ARCN1: variants seen among roughly 807,000 people sequenced by gnomAD.
The protein encoded by ARCN1 is archain 1 coat protein complex I subunit delta, also known as coatomer subunit delta.
Under a neutral mutation model 60.4 loss-of-function variants are expected in ARCN1, and 5 were observed. That is an observed-to-expected ratio of 0.08 (90% CI 0.04 to 0.17). The LOEUF (loss-of-function observed/expected upper bound fraction) is 0.17, where lower values mean the gene tolerates loss of function less well. ARCN1 is among the 10% of genes least tolerant of loss of function. The pLI, the probability that ARCN1 is intolerant of heterozygous loss-of-function variation, is 1.00. For synonymous variants in ARCN1, 224 were observed against 220.0 expected (o/e 1.02, Z -0.16); for missense variants, 464 against 626.5 (o/e 0.74, Z 2.77).
intron 1 of ARCN1, among the ~76,000 whole-genome samples, chr11:118,580,312 A>G (rs115404049): frequency 0.013 from 2,015 of 152,266 alleles, 43 homozygotes; most frequent in African/African-American, 0.043. Context: ...TGACAAAGTG[A>G]GACCCTGTCT....
chr11:118,584,588 G>T lies in ARCN1; in HGVS notation c.762G>T (p.Met254Ile), dbSNP rs1555075181. ...GTGAAACCATCATGTCCTCTAGTAT[G>T]GGCAAGCGTACTTCTGAAGCAACCA... ...SEGETIMSSS[M>I]GKRTSEATKM... The change falls in exon 5 of 10, where the codon ATG (methionine) becomes ATT (isoleucine). Residue 254 changes from methionine (M) to isoleucine (I), a missense_variant. Met to Ile is a conservative substitution (Grantham distance 10). Transcript: ENST00000264028. 2 of 1,613,360 alleles carry T rather than the reference G, an allele frequency of 1.2e-6. No homozygotes were observed. The highest frequency in any genetic ancestry group is 1.7e-6 in the Non-Finnish European group (2 of 1,179,804).
chr11:118,584,221 TATGTC>T (rs1319362500), intron 4 of ARCN1, among the ~76,000 whole-genome samples: 1 of 152,210 alleles, frequency 6.6e-6, no homozygotes, highest in East Asian at 1.9e-4. Flanking sequence ...AGTTATAAAT[TATGTC>T]ATGACCTCAG....
At chr11:118,591,737 TG>T (rs374936573) in intron 6 of ARCN1, among the ~76,000 whole-genome samples, 2 of 141,996 alleles carry the variant, frequency 1.4e-5, no homozygotes, top group Non-Finnish European at 3.0e-5. Flanking sequence ...TTCTTTTTTT[TG>T]TTTTTTTTTT....
intron 1 of ARCN1, among the ~76,000 whole-genome samples, chr11:118,575,396 C>T (rs1938469113): frequency 6.7e-6 from 1 of 148,900 alleles, no homozygotes; most frequent in South Asian, 2.2e-4. Context: ...AAGTTCACTG[C>T]AGAAACTGAT....
chr11:118,581,425 G>T lies in ARCN1; in HGVS notation c.183G>T (p.Met61Ile). The T allele has an allele frequency of 6.2e-7, 1 of 1,614,204 alleles. No individual in the cohort carries two copies. Reference protein sequence around the residue: ...TESVRYVYQPMEKLYMVLITT... With the variant: ...TESVRYVYQPIEKLYMVLITT... The stretch of plus-strand genomic sequence containing the variant: ...GTGTAAGATATGTCTACCAGCCTAT[G>T]GAGAAACTGTATATGGTACTGATCA... The change falls in exon 2 of 10, where the codon ATG becomes ATT. Residue 61 changes from methionine (M) to isoleucine (I), a missense_variant. Coordinates refer to ENST00000264028, the MANE Select transcript of ARCN1 (RefSeq NM_001655.5).
intron 5 of ARCN1, among the ~76,000 whole-genome samples, chr11:118,590,006 T>A (rs1343275470): frequency 6.6e-6 from 1 of 152,052 alleles, no homozygotes; most frequent in African/African-American, 2.4e-5. Context: ...TTTTCTTTTT[T>A]ATTTTTTGAG....
chr11:118,592,014 G>A (rs1394567031), intron 6 of ARCN1, among the ~76,000 whole-genome samples: 4 of 150,708 alleles, frequency 2.7e-5, no homozygotes, highest in East Asian at 2.0e-4. Flanking sequence ...TCTGCCTCCC[G>A]GGTTCAAGCC....
chr11:118,578,874 C>CTTT lies in ARCN1; in HGVS notation c.4-2342_4-2340dup, dbSNP rs56050047. Among the ~76,000 whole-genome samples, 301 of 83,442 alleles carry CTTT rather than the reference C, an allele frequency of 3.6e-3. 5 individuals carry two copies. Among genetic ancestry groups the CTTT allele is most frequent in the African/African-American group, 0.014 (290 of 20,994 alleles). The allele number at this position is 83,442 out of a possible 152,430, so 54.7% of individuals were successfully genotyped here. ...GGCAACATGGCAAAACCCCGTCTCT[C>CTTT]TTTTTTTTTTTTTTTTTTTTTTTTT... is the stretch of plus-strand genomic sequence containing the variant. On this transcript the variant is annotated intron_variant, in intron 1 of 9. Coordinates refer to ENST00000264028, the MANE Select transcript of ARCN1 (RefSeq NM_001655.5).
intron 8 of ARCN1, 86 bp from the exon 9 acceptor site, chr11:118,597,621 G>A: frequency 1.4e-6 from 2 of 1,478,960 alleles, no homozygotes; most frequent in Non-Finnish European, 1.8e-6. Flanking sequence ...AAAATTTGGG[G>A]ATCATATATC....
intron 4 of ARCN1, 97 bp from the exon 5 acceptor site, chr11:118,584,383 T>C (rs1259305420): frequency 5.3e-6 from 6 of 1,125,158 alleles, no homozygotes; most frequent in Non-Finnish European, 7.4e-6. Flanking sequence ...TGTGCACAGG[T>C]GTATTTCTCT....
At chr11:118,582,773 G>A (rs1036905082) in intron 2 of ARCN1, among the ~76,000 whole-genome samples, 6 of 151,210 alleles carry the variant, frequency 4.0e-5, no homozygotes, top group African/African-American at 1.5e-4. Flanking sequence ...GGGCGCAGTG[G>A]CTCACGCCTG....
At chr11:118,576,639 A>G (rs569477843) in intron 1 of ARCN1, among the ~76,000 whole-genome samples, 1 of 152,140 alleles carries the variant, frequency 6.6e-6, no homozygotes, top group Non-Finnish European at 1.5e-5. Context: ...TTAGGATAGG[A>G]TAAATTTATC....
chr11:118,600,783 A>G lies in ARCN1; in HGVS notation c.*69A>G, dbSNP rs879966165. On this transcript the variant is annotated 3_prime_UTR_variant, in exon 10 of 10. Coordinates refer to ENST00000264028, the MANE Select transcript of ARCN1 (RefSeq NM_001655.5). The stretch of plus-strand genomic sequence containing the variant: ...AAGAAGACGCCAATGATGGCTGAAG[A>G]GTTTTTCCCAGATTTACAAGCCACT... The G allele has an allele frequency of 4.9e-4, 561 of 1,133,724 alleles. 1 individual carries two copies. The highest frequency in any genetic ancestry group is 1.6e-3 in the Middle Eastern group (7 of 4,370). The allele number at this position is 1,133,724 out of a possible 1,614,324, so 70.2% of individuals were successfully genotyped here.
intron 2 of ARCN1, among the ~76,000 whole-genome samples, chr11:118,582,725 TAAAAAAAAAA>T (rs1206435516): frequency 2.0e-5 from 2 of 100,874 alleles, no homozygotes; most frequent in South Asian, 6.4e-4. Context: ...GACTTTGTCT[TAAAAAAAAAA>T]AAAAAAAAAA....
Position 118,600,817 on chromosome 11 carries a change from C to T in ARCN1, c.*103C>T, listed in dbSNP as rs1939131130. On this transcript the variant is annotated 3_prime_UTR_variant, in exon 10 of 10. Coordinates refer to ENST00000264028, the MANE Select transcript of ARCN1 (RefSeq NM_001655.5). ...CAGATTTACAAGCCACTGGAGACCC[C>T]TTTTTTCTGATACAATGCACGATTC... 4 of 772,928 alleles carry T rather than the reference C, an allele frequency of 5.2e-6. No individual in the cohort carries two copies. The Admixed American group carries it at 9.9e-5, about 19-fold the overall frequency. 47.9% of individuals were successfully genotyped at this position (772,928 alleles called of 1,614,324 possible).
intron 1 of ARCN1, among the ~76,000 whole-genome samples, chr11:118,579,819 A>T (rs1160786028): frequency 6.6e-6 from 1 of 152,216 alleles, no homozygotes; most frequent in Non-Finnish European, 1.5e-5. Context: ...TCATATTAAT[A>T]AAACAATTTT....
Position 118,590,348 on chromosome 11 carries a change from A to G in ARCN1, c.826A>G (p.Met276Val), listed in dbSNP as rs1250497374. 8.7e-6 allele frequency: 14 copies of G among 1,613,032 alleles called. No homozygotes were observed. The Admixed American group carries it at 1.0e-4, about 12-fold the overall frequency. The change falls in exon 6 of 10, where the codon ATG becomes GTG. Residue 276 changes from methionine to valine, a missense_variant. Transcript: ENST00000264028. ...APPINMESVH[M>V]KIEEKITLTC... ...ATTACTTTCTCTTTATAGTGTACAT[A>G]TGAAGATTGAAGAAAAGATAACATT...
chr11:118,585,215 A>G (rs1170973540), intron 5 of ARCN1, among the ~76,000 whole-genome samples: 2 of 152,184 alleles, frequency 1.3e-5, no homozygotes, highest in Non-Finnish European at 2.9e-5. Context: ...TTCCTGCCTC[A>G]GCCTCCCAAG....
chr11:118,579,395 C>T (rs868925707), intron 1 of ARCN1, among the ~76,000 whole-genome samples: 14 of 151,720 alleles, frequency 9.2e-5, no homozygotes, highest in Non-Finnish European at 1.6e-4. Context: ...CAAAATAGGC[C>T]GGGCGGTGGC....
Sources: allele counts gnomAD v4.1 joint callset (sites outside exome capture counted in the v4.1 genomes callset), GRCh38; gene constraint gnomAD v4.1.1; transcripts MANE v1.5; gene names NCBI Gene and HGNC (gene_info 2026-07-23, HGNC 2026-07-21).